CHN1: variants seen among roughly 807,000 people sequenced by gnomAD.
CHN1 encodes N-chimaerin.
A neutral mutation model predicts 59.5 loss-of-function variants in CHN1; 37 were observed. The observed-to-expected ratio is 0.62, with a 90% confidence interval of 0.48 to 0.82. The LOEUF is 0.82. Among genes scored for constraint, CHN1 ranks in the 40% least tolerant of loss-of-function variants. The pLI is 0.00. For synonymous variants in CHN1, 206 were observed against 200.4 expected (o/e 1.03, Z -0.24); for missense variants, 469 against 571.0 (o/e 0.82, Z 1.82).
At chr2:174,891,595 A>G (rs1006362846) in intron 5 of CHN1, among the ~76,000 whole-genome samples, 6 of 151,914 alleles carry the variant, frequency 3.9e-5, no homozygotes, top group Admixed American at 2.6e-4. Flanking sequence ...AAAAAAGAAA[A>G]GAAAAACACA....
chr2:174,864,193 A>G (rs933249981), intron 6 of CHN1, among the ~76,000 whole-genome samples: 2 of 152,118 alleles, frequency 1.3e-5, no homozygotes, highest in Non-Finnish European at 2.9e-5. Flanking sequence ...AGTGTTACAT[A>G]TAGACTCTAG....
intron 3 of CHN1, chr2:174,920,972 TG>T (rs1180907713): frequency 2.3e-6 from 1 of 433,190 alleles, no homozygotes; most frequent in Non-Finnish European, 4.7e-6. Context: ...ATAAGGGGCA[TG>T]CAACCTAGGT....
chr2:174,901,965 C>T (rs1178478118), intron 5 of CHN1, among the ~76,000 whole-genome samples: 1 of 151,976 alleles, frequency 6.6e-6, no homozygotes, highest in Non-Finnish European at 1.5e-5. Context: ...ATTCATAATA[C>T]ACAGCTAACT....
intron 7 of CHN1, among the ~76,000 whole-genome samples, chr2:174,841,100 G>A (rs1686285196): frequency 6.6e-6 from 1 of 152,192 alleles, no homozygotes; most frequent in Admixed American, 6.5e-5. Context: ...AGTCCCATAA[G>A]ATAGCTACAA....
intron 6 of CHN1, among the ~76,000 whole-genome samples, chr2:174,855,869 G>A (rs1444481733): frequency 6.6e-6 from 1 of 152,040 alleles, no homozygotes; most frequent in Non-Finnish European, 1.5e-5. Context: ...CTTGCTGAAG[G>A]TCACCTAACT....
chr2:174,975,903 C>T (rs1690908637), intron 1 of CHN1, among the ~76,000 whole-genome samples: 1 of 151,474 alleles, frequency 6.6e-6, no homozygotes. Context: ...GGGCGGATCA[C>T]GAGGTCAAGA....
At chr2:174,950,663 C>T (rs1195174120) in intron 2 of CHN1, among the ~76,000 whole-genome samples, 1 of 151,908 alleles carries the variant, frequency 6.6e-6, no homozygotes, top group Non-Finnish European at 1.5e-5. Flanking sequence ...GAAAAGATCA[C>T]TACAAACTCA....
chr2:174,834,558 T>C (rs998476373), intron 7 of CHN1, among the ~76,000 whole-genome samples: 3 of 152,210 alleles, frequency 2.0e-5, no homozygotes, highest in Admixed American at 6.5e-5. Context: ...TAGATTTCTT[T>C]TCCTTCAGTC....
intron 8 of CHN1, among the ~76,000 whole-genome samples, chr2:174,822,280 T>C (rs1175968281): frequency 6.6e-6 from 1 of 152,210 alleles, no homozygotes; most frequent in Non-Finnish European, 1.5e-5. Flanking sequence ...TCCTGACCTT[T>C]ACTCACAATA....
chr2:174,944,729 G>A (rs1050333559), intron 3 of CHN1, among the ~76,000 whole-genome samples, 159 bp downstream of exon 3: 2 of 152,186 alleles, frequency 1.3e-5, no homozygotes, highest in Non-Finnish European at 2.9e-5. Flanking sequence ...TAAATCAAAT[G>A]AGAAGGATAT....
At chr2:174,816,969 G>T (rs1030467855) in intron 8 of CHN1, among the ~76,000 whole-genome samples, 1 of 151,962 alleles carries the variant, frequency 6.6e-6, no homozygotes, top group Non-Finnish European at 1.5e-5. Flanking sequence ...AGACAATGAG[G>T]TTGAGAGAGG....
intron 5 of CHN1, among the ~76,000 whole-genome samples, chr2:174,895,039 ACACACGCGCG>A: frequency 7.1e-6 from 1 of 141,738 alleles, no homozygotes; most frequent in Non-Finnish European, 1.5e-5. Context: ...ATATACACAC[ACACACGCGCG>A]CACACACACA....
chr2:175,001,812 G>A (rs1691899514), intron 1 of CHN1, among the ~76,000 whole-genome samples: 1 of 152,194 alleles, frequency 6.6e-6, no homozygotes, highest in African/African-American at 2.4e-5. Context: ...TATTCACCCA[G>A]CTCTGCCAAC....
chr2:174,874,058 A>G (rs1042147795), intron 6 of CHN1, among the ~76,000 whole-genome samples: 4 of 152,226 alleles, frequency 2.6e-5, no homozygotes, highest in Non-Finnish European at 4.4e-5. Context: ...AATGCAAATT[A>G]TATCATTTGT....
chr2:174,988,960 G>A (rs765444532), intron 1 of CHN1, among the ~76,000 whole-genome samples: 29 of 152,114 alleles, frequency 1.9e-4, no homozygotes, highest in Non-Finnish European at 2.9e-4. Context: ...AAAAGCTGCT[G>A]CATTTTTTCA....
At chr2:174,958,801 T>C (rs2105422479) in intron 1 of CHN1, among the ~76,000 whole-genome samples, 1 of 152,286 alleles carries the variant, frequency 6.6e-6, no homozygotes, top group South Asian at 2.1e-4. Context: ...AGACCTTCAG[T>C]AAATAAGAAC....
At chr2:174,890,435 C>T (rs781488677) in intron 5 of CHN1, among the ~76,000 whole-genome samples, 98 of 152,112 alleles carry the variant, frequency 6.4e-4, no homozygotes, top group Non-Finnish European at 8.8e-4. Context: ...TGTACCTGCC[C>T]TAGTCCCAGC....
intron 1 of CHN1, among the ~76,000 whole-genome samples, chr2:174,977,913 A>G (rs1691002590): frequency 1.3e-5 from 2 of 152,330 alleles, no homozygotes; most frequent in South Asian, 2.1e-4. Flanking sequence ...AAAAATAAAT[A>G]AAATGTTTAA....
chr2:174,823,543 G>T (rs1685572804), intron 8 of CHN1, among the ~76,000 whole-genome samples: 1 of 151,840 alleles, frequency 6.6e-6, no homozygotes, highest in South Asian at 2.1e-4. Flanking sequence ...GGCACCTGTA[G>T]TCCCAGCTAC....
Sources: allele counts gnomAD v4.1 joint callset (sites outside exome capture counted in the v4.1 genomes callset), GRCh38; gene constraint gnomAD v4.1.1; transcripts MANE v1.5; gene names NCBI Gene and HGNC (gene_info 2026-07-23, HGNC 2026-07-21).